The following GPAM variants were observed in gnomAD, a reference collection of about 807,000 sequenced individuals.
The protein encoded by GPAM is glycerol-3-phosphate acyltransferase 1, mitochondrial.
Under a neutral mutation model 105.0 loss-of-function variants are expected in GPAM, and 56 were observed. The ratio of observed to expected loss-of-function variants is 0.53; its 90% CI spans 0.43 to 0.67. The LOEUF (loss-of-function observed/expected upper bound fraction) is 0.67. GPAM is among the 30% of genes least tolerant of loss of function. GPAM has a pLI of 0.00. For missense variants in GPAM, 855 were observed against 989.8 expected, an observed-to-expected ratio of 0.86 and a Z score of 1.83; for synonymous variants, 368 against 354.4, an observed-to-expected ratio of 1.04 and a Z score of -0.43.
chr10:112,154,009 AC>A (rs1846970804), intron 21 of GPAM: 1 of 261,386 alleles, frequency 3.8e-6, no homozygotes. Context: ...TCTCTATAGA[AC>A]TTACATTCCC....
chr10:112,153,257 A>T lies in GPAM; in HGVS notation c.*293T>A. Reference sequence around the variant, plus strand: ...CCTTAAAAGTTGTACTTAAAATGTCAATCTTTAATAAACTCAAAAATAATT... The same window carrying T: ...CCTTAAAAGTTGTACTTAAAATGTCTATCTTTAATAAACTCAAAAATAATT... On this transcript the variant is annotated 3_prime_UTR_variant, in exon 22 of 22. Transcript: ENST00000348367. 2.5e-6 allele frequency: 3 copies of T among 1,218,324 alleles called. No individual in the cohort carries two copies. The highest frequency in any genetic ancestry group is 3.1e-6 in the Non-Finnish European group (3 of 965,848). 75.5% of individuals were successfully genotyped at this position (1,218,324 alleles called of 1,614,324 possible).
intron 1 of GPAM, among the ~76,000 whole-genome samples, chr10:112,202,368 A>G (rs1847808098): frequency 6.6e-6 from 1 of 151,808 alleles, no homozygotes; most frequent in African/African-American, 2.4e-5. Flanking sequence ...CTATTCTAGA[A>G]AGGGGTTTAA....
At chr10:112,194,478 G>C (rs1023258618) in intron 1 of GPAM, among the ~76,000 whole-genome samples, 1 of 152,152 alleles carries the variant, frequency 6.6e-6, no homozygotes, top group Non-Finnish European at 1.5e-5. Flanking sequence ...CCTAAGTATT[G>C]CTTAAGAACA....
rs915260560 is a variant in GPAM at position 112,152,716 on chromosome 10, G to A, written c.*834C>T. On this transcript the variant is annotated 3_prime_UTR_variant, in exon 22 of 22. Coordinates refer to ENST00000348367, the MANE Select transcript of GPAM (RefSeq NM_001244949.2). Reference sequence around the variant, plus strand: ...AGAGGCAGGTATTACCTGAGGGGTGGACGAGGTACAGACATAAAACAGGAA... The same window carrying A: ...AGAGGCAGGTATTACCTGAGGGGTGAACGAGGTACAGACATAAAACAGGAA... 8 of 983,028 alleles carry A rather than the reference G, an allele frequency of 8.1e-6. No homozygotes were observed. The highest frequency in any genetic ancestry group is 1.2e-4 in the Admixed American group (2 of 16,272). The allele number at this position is 983,028 out of a possible 1,614,324, so 60.9% of individuals were successfully genotyped here.
At position 112,165,095 on chromosome 10, in the gene GPAM, T is replaced by C. The variant is rs192156431; in HGVS notation, c.1222-485A>G. 3.9e-3 allele frequency among the ~76,000 whole-genome samples: 592 copies of C among 152,174 alleles called. 4 individuals are homozygous for C. The highest frequency in any genetic ancestry group is 0.014 in the African/African-American group (571 of 41,518). On this transcript the variant is annotated intron_variant, in intron 12 of 21. Coordinates refer to ENST00000348367, the MANE Select transcript of GPAM (RefSeq NM_001244949.2). The stretch of plus-strand genomic sequence containing the variant: ...CAAGAAATGATAAGGTTCTAAAAGA[T>C]CAAAGCATTTAAGGTTAGCAAGCAT...
chr10:112,173,436 A>T lies in GPAM; in HGVS notation c.560+263T>A, dbSNP rs192205001. Among the ~76,000 whole-genome samples the T allele has an allele frequency of 5.9e-5, 9 of 152,310 alleles. No individual in the cohort carries two copies. The East Asian group carries it at 1.7e-3, about 29-fold the overall frequency. On this transcript the variant is annotated intron_variant, in intron 7 of 21. Coordinates refer to ENST00000348367, the MANE Select transcript of GPAM (RefSeq NM_001244949.2). ...GACTCAGATACGTGAAAGTTGATTCACAAGCAGTCTAGGTGAGCAGATGTT... is the reference window on the plus strand; with the variant it reads ...GACTCAGATACGTGAAAGTTGATTCTCAAGCAGTCTAGGTGAGCAGATGTT...
At chr10:112,220,853 T>TAA in the GPAM span, among the ~76,000 whole-genome samples, 1 of 145,920 alleles carries the variant, frequency 6.9e-6, no homozygotes, top group Non-Finnish European at 1.5e-5. Flanking sequence ...AGATCTCAAA[T>TAA]ACACACACAC....
rs1413903612 is a variant in GPAM, at chr10:112,181,708, C to T, written c.77G>A (p.Arg26Gln). ...CCATTCCTCACTTGTGTGCTTACAT[C>T]GACCAACACTGTATTCTGATGAATG... ...LPHSSEYSVG[R>Q]CKHTSEEWGE... is the part of the protein sequence containing the mutation. Residue 26 changes from arginine to glutamine, a missense_variant, in exon 3 of 22, where the codon CGA becomes CAA. Transcript: ENST00000348367. 7.5e-6 allele frequency: 12 copies of T among 1,604,562 alleles called. No homozygotes were observed. The highest frequency in any genetic ancestry group is 2.7e-5 in the African/African-American group (2 of 74,712).
intron 1 of GPAM, among the ~76,000 whole-genome samples, chr10:112,193,994 C>T (rs1489918895): frequency 1.3e-5 from 2 of 152,082 alleles, no homozygotes; most frequent in Non-Finnish European, 2.9e-5. Flanking sequence ...AGTCAGAATG[C>T]GCTAGATTAT....
upstream of GPAM, among the ~76,000 whole-genome samples, chr10:112,184,273 T>C (rs1189083137): frequency 1.3e-5 from 2 of 152,066 alleles, no homozygotes; most frequent in African/African-American, 4.8e-5. Flanking sequence ...TTAGGAGAAA[T>C]AAGGGCTTTT....
At chr10:112,195,653 CCT>C (rs1349346695) in intron 1 of GPAM, among the ~76,000 whole-genome samples, 1 of 152,026 alleles carries the variant, frequency 6.6e-6, no homozygotes, top group Non-Finnish European at 1.5e-5. Context: ...AATATCTGCC[CCT>C]CTCTCTCTCT....
intron 5 of GPAM, among the ~76,000 whole-genome samples, chr10:112,175,958 G>A (rs563165936): frequency 1.2e-4 from 19 of 152,162 alleles, no homozygotes; most frequent in East Asian, 3.9e-4. Context: ...TTACTGTGCC[G>A]AATAACCCTA....
At chr10:112,183,874 G>T (rs1365624489), upstream of GPAM, 2 of 152,360 alleles carry the variant, frequency 1.3e-5, no homozygotes, top group Non-Finnish European at 2.9e-5. Context: ...GGATCCGAGG[G>T]TGTAATGTGT....
At chr10:112,185,224 A>G (rs1847577718), upstream of GPAM, among the ~76,000 whole-genome samples, 1 of 152,228 alleles carries the variant, frequency 6.6e-6, no homozygotes, top group African/African-American at 2.4e-5. Context: ...GCAAAGCACA[A>G]GAATATTTAC....
intron 6 of GPAM, among the ~76,000 whole-genome samples, chr10:112,174,672 C>T (rs1253417605): frequency 6.6e-6 from 1 of 152,128 alleles, no homozygotes; most frequent in South Asian, 2.1e-4. Flanking sequence ...TTCCACATAG[C>T]CCCATAATTC....
upstream of GPAM, among the ~76,000 whole-genome samples, chr10:112,188,741 T>A (rs1332972916): frequency 6.6e-6 from 1 of 152,224 alleles, no homozygotes; most frequent in Non-Finnish European, 1.5e-5. Context: ...ATCCTACATA[T>A]TGACCAGTAT....
chr10:112,151,076 T>C lies in GPAM; in HGVS notation c.*2474A>G. ...CTGAATCACTTAGGACATTCTCATT[T>C]TCAAAAACAGACTGCAGTTTCATGT... On this transcript the variant is annotated 3_prime_UTR_variant, in exon 22 of 22. Transcript: ENST00000348367. 1.0e-6 allele frequency: 1 copy of C among 985,022 alleles called. No individual in the cohort carries two copies. The highest frequency in any genetic ancestry group is 1.2e-6 in the Non-Finnish European group (1 of 829,194). The allele number at this position is 985,022 out of a possible 1,614,324, so 61.0% of individuals were successfully genotyped here.
At chr10:112,226,874 G>A in the GPAM span, among the ~76,000 whole-genome samples, 6 of 152,064 alleles carry the variant, frequency 3.9e-5, no homozygotes, top group African/African-American at 1.4e-4. Flanking sequence ...AAGCCATGAG[G>A]GGTTTTATGC....
chr10:112,153,918 T>C (rs1846968863), intron 21 of GPAM: 1 of 421,238 alleles, frequency 2.4e-6, no homozygotes, highest in Non-Finnish European at 4.3e-6. Context: ...AACTATATTC[T>C]AAAATTTCAA....
Sources: gnomAD v4.1 joint callset for allele counts (sites outside exome capture counted in the v4.1 genomes callset) on GRCh38, gnomAD v4.1.1 for gene constraint, MANE v1.5 for transcripts, NCBI Gene and HGNC (gene_info 2026-07-23, HGNC 2026-07-21) for gene names.